Variants in MYH15 observed in about 807,000 individuals in gnomAD.
MYH15 encodes the protein myosin heavy chain 15.
MYH15 carries 227 observed loss-of-function variants against 240.5 expected under a neutral mutation model. The ratio of observed to expected loss-of-function variants is 0.94; its 90% CI spans 0.85 to 1.05. The LOEUF is 1.05. MYH15 is among the 50% of genes least tolerant of loss of function. The pLI, the probability that MYH15 is intolerant of heterozygous loss-of-function variation, is 0.00. For synonymous variants in MYH15, 785 were observed against 796.7 expected (o/e 0.99, Z 0.25); for missense variants, 2,217 against 2,247.5 (o/e 0.99, Z 0.27).
chr3:108,470,569 A>G (rs1462696215), intron 13 of MYH15, 129 bp downstream of exon 13: 2 of 827,226 alleles, frequency 2.4e-6, no homozygotes, highest in Non-Finnish European at 3.6e-6. Context: ...GCTCTTTTCC[A>G]AACAAGGTAG....
At chr3:108,477,588 AT>A (rs1169016502) in intron 11 of MYH15, among the ~76,000 whole-genome samples, 3 of 152,174 alleles carry the variant, frequency 2.0e-5, no homozygotes, top group Non-Finnish European at 4.4e-5. Flanking sequence ...CTTTCTATGT[AT>A]GTACTTGTGG....
chr3:108,473,115 C>A (rs1168709745), intron 12 of MYH15, among the ~76,000 whole-genome samples: 2 of 152,200 alleles, frequency 1.3e-5, no homozygotes, highest in East Asian at 3.8e-4. Context: ...TCAAACGATT[C>A]TCTTGCCTCA....
chr3:108,450,299 C>T (rs1445468525), intron 21 of MYH15, among the ~76,000 whole-genome samples: 1 of 152,066 alleles, frequency 6.6e-6, no homozygotes, highest in Non-Finnish European at 1.5e-5. Flanking sequence ...TGGAATCAAC[C>T]TAAGTGTTCA....
chr3:108,407,217 G>C (rs574466542), intron 32 of MYH15, among the ~76,000 whole-genome samples: 2 of 152,270 alleles, frequency 1.3e-5, no homozygotes, highest in Middle Eastern at 6.8e-3. Context: ...GAATCACAAC[G>C]GTGAGGTAAA....
chr3:108,389,538 C>T (rs1285025264), intron 37 of MYH15, among the ~76,000 whole-genome samples: 2 of 152,172 alleles, frequency 1.3e-5, no homozygotes, highest in African/African-American at 4.8e-5. Flanking sequence ...GCTTGAGCTG[C>T]CTGCTGCCTT....
intron 1 of MYH15, among the ~76,000 whole-genome samples, chr3:108,528,893 G>T (rs1336507876): frequency 6.6e-6 from 1 of 152,168 alleles, no homozygotes; most frequent in Non-Finnish European, 1.5e-5. Flanking sequence ...AGCAAAAATA[G>T]AGAAGGTGAC....
At chr3:108,548,205 T>TA in the MYH15 span, among the ~76,000 whole-genome samples, 1 of 152,066 alleles carries the variant, frequency 6.6e-6, no homozygotes, top group Non-Finnish European at 1.5e-5. Context: ...TCAAAATTGA[T>TA]AAAAAAGCAA....
chr3:108,396,194 T>C lies in MYH15; in HGVS notation c.5134-2038A>G, dbSNP rs1448766873. Reference sequence around the variant, plus strand: ...TCATCTCTCTCTAGGCTAGTGATTTTGCATCATATTGGATCCCACTGGTGC... The same window carrying C: ...TCATCTCTCTCTAGGCTAGTGATTTCGCATCATATTGGATCCCACTGGTGC... On this transcript the variant is annotated intron_variant, in intron 35 of 40. Coordinates refer to ENST00000693548, the MANE Select transcript of MYH15 (RefSeq NM_014981.3). Among the ~76,000 whole-genome samples the C allele has an allele frequency of 3.9e-5, 6 of 152,230 alleles. No individual in the cohort carries two copies. The East Asian group carries it at 1.2e-3, about 29-fold the overall frequency.
chr3:108,501,981 G>A, intron 2 of MYH15, 126 bp from the exon 3 acceptor site: 2 of 1,005,706 alleles, frequency 2.0e-6, no homozygotes, highest in Non-Finnish European at 2.9e-6. Context: ...GATGGGGCCA[G>A]AAGAAATTAA....
At chr3:108,516,019 G>A (rs190171831) in intron 1 of MYH15, among the ~76,000 whole-genome samples, 141 of 152,276 alleles carry the variant, frequency 9.3e-4, no homozygotes, top group African/African-American at 3.1e-3. Context: ...ATCAGAGCTA[G>A]ACAATAAATA....
At chr3:108,509,357 C>G (rs2083503762) in intron 1 of MYH15, among the ~76,000 whole-genome samples, 1 of 152,138 alleles carries the variant, frequency 6.6e-6, no homozygotes, top group East Asian at 1.9e-4. Context: ...CCTGGCATCA[C>G]TATTATCTTG....
chr3:108,469,079 C>T (rs188896315), intron 14 of MYH15, among the ~76,000 whole-genome samples: 43 of 152,192 alleles, frequency 2.8e-4, no homozygotes, highest in South Asian at 4.2e-4. Context: ...ATAAAATCAA[C>T]GGGATATCTA....
Position 108,466,805 on chromosome 3 carries a change from G to A in MYH15, c.1555-1991C>T, listed in dbSNP as rs566770622. On this transcript the variant is annotated intron_variant, in intron 14 of 40. Coordinates refer to ENST00000693548, the MANE Select transcript of MYH15 (RefSeq NM_014981.3). ...ATGGTTCAAGGTGTCCCCCCTGCAG[G>A]CTGTGAGCATAAGTGGCTAATAAAA... Among the ~76,000 whole-genome samples, 5 of 152,212 alleles carry A rather than the reference G, an allele frequency of 3.3e-5. No individual in the cohort carries two copies. In the East Asian group the frequency reaches 7.7e-4, roughly 23 times the overall value.
At chr3:108,386,534 T>G (rs920708093) in intron 38 of MYH15, among the ~76,000 whole-genome samples, 1 of 152,136 alleles carries the variant, frequency 6.6e-6, no homozygotes, top group African/African-American at 2.4e-5. Context: ...TCTGGCCATT[T>G]CTGCCCAACA....
At chr3:108,393,904 C>T in intron 36 of MYH15, 127 bp downstream of exon 36, 1 of 1,404,764 alleles carries the variant, frequency 7.1e-7, no homozygotes, top group Non-Finnish European at 9.8e-7. Flanking sequence ...AGAGGTCAGA[C>T]TAACCTCCCC....
chr3:108,387,051 A>G (rs1470966222), intron 38 of MYH15, among the ~76,000 whole-genome samples: 2 of 152,248 alleles, frequency 1.3e-5, no homozygotes, highest in Admixed American at 6.5e-5. Flanking sequence ...AAAGGAGAAG[A>G]TAAATGCAGC....
At chr3:108,400,541 T>C (rs1192964586) in intron 33 of MYH15, among the ~76,000 whole-genome samples, 1 of 152,198 alleles carries the variant, frequency 6.6e-6, no homozygotes, top group African/African-American at 2.4e-5. Context: ...TAAGAAGGCA[T>C]ACAGGCCGGG....
intron 4 of MYH15, 76 bp from the exon 5 acceptor site, chr3:108,499,558 C>T (rs1455074730): frequency 4.3e-6 from 6 of 1,406,116 alleles, no homozygotes; most frequent in Non-Finnish European, 6.0e-6. Context: ...CTCAAAATTT[C>T]CCTAGCTACA....
intron 1 of MYH15, among the ~76,000 whole-genome samples, chr3:108,517,095 T>A (rs187653558): frequency 1.3e-5 from 2 of 152,328 alleles, no homozygotes; most frequent in Admixed American, 1.3e-4. Context: ...CTTCTTCCTT[T>A]TCTTCTCTTT....
Sources: gnomAD v4.1 joint callset for allele counts (sites outside exome capture counted in the v4.1 genomes callset) on GRCh38, gnomAD v4.1.1 for gene constraint, MANE v1.5 for transcripts, NCBI Gene and HGNC (gene_info 2026-07-23, HGNC 2026-07-21) for gene names.